Variants in CDH13 observed in about 807,000 individuals in gnomAD.
CDH13 encodes cadherin-13.
In CDH13, 24 loss-of-function variants were observed where a neutral mutation model predicts 63.8. The observed-to-expected ratio is 0.38, with a 90% CI of 0.27 to 0.53. CDH13 has a LOEUF of 0.53. Ranked by LOEUF, CDH13 falls within the 20% of genes least tolerant of loss-of-function variation. The probability of loss-of-function intolerance (pLI) is 0.85; values close to 1 mark genes in which losing one functional copy is unlikely to be tolerated. For missense variants in CDH13, 1,049 were observed against 903.1 expected (o/e 1.16, Z -2.07); for synonymous variants, 503 against 355.3 (o/e 1.42, Z -4.67).
intron 2 of CDH13, among the ~76,000 whole-genome samples, chr16:82,942,550 A>G (rs1470810136): frequency 1.3e-5 from 2 of 152,072 alleles, no homozygotes; most frequent in Non-Finnish European, 2.9e-5. Flanking sequence ...TTAGGTGGAG[A>G]AGTACTTTGT....
chr16:83,261,274 C>G (rs946408095), intron 5 of CDH13, among the ~76,000 whole-genome samples: 10 of 152,152 alleles, frequency 6.6e-5, no homozygotes, highest in Non-Finnish European at 1.3e-4. Flanking sequence ...TTGCTAAACA[C>G]CAACTCTGTG....
At chr16:83,578,207 A>G (rs1382337342) in intron 7 of CDH13, among the ~76,000 whole-genome samples, 1 of 152,194 alleles carries the variant, frequency 6.6e-6, no homozygotes, top group Non-Finnish European at 1.5e-5. Flanking sequence ...ATCGCTGGCT[A>G]GCCATTCCTG....
At chr16:82,809,474 G>A (rs1374909377) in intron 1 of CDH13, among the ~76,000 whole-genome samples, 2 of 152,058 alleles carry the variant, frequency 1.3e-5, no homozygotes, top group Non-Finnish European at 2.9e-5. Context: ...TTCGCTCAGG[G>A]CATGTAAAGA....
At chr16:83,504,789 G>T (rs1361472171) in intron 7 of CDH13, among the ~76,000 whole-genome samples, 2 of 152,112 alleles carry the variant, frequency 1.3e-5, no homozygotes, top group African/African-American at 2.4e-5. Flanking sequence ...TGGCTTCAAG[G>T]AATTTTTTTA....
At chr16:83,450,985 C>G (rs185526574) in intron 6 of CDH13, among the ~76,000 whole-genome samples, 110 of 152,266 alleles carry the variant, frequency 7.2e-4, no homozygotes, top group African/African-American at 2.6e-3. Context: ...CTGAGCCGCA[C>G]CCCCAGAGTT....
At chr16:82,903,913 G>C (rs1050607137) in intron 2 of CDH13, among the ~76,000 whole-genome samples, 2 of 152,104 alleles carry the variant, frequency 1.3e-5, no homozygotes, top group African/African-American at 2.4e-5. Context: ...CCCCAGTTCT[G>C]TCTGCTCTAA....
chr16:83,498,778 A>G (rs567261807), intron 7 of CDH13, among the ~76,000 whole-genome samples: 96 of 152,368 alleles, frequency 6.3e-4, no homozygotes, highest in African/African-American at 2.0e-3. Flanking sequence ...TTAACACAGA[A>G]AAGCAAAATA....
At chr16:83,281,809 A>G (rs1230660922) in intron 5 of CDH13, among the ~76,000 whole-genome samples, 1 of 151,826 alleles carries the variant, frequency 6.6e-6, no homozygotes, top group Non-Finnish European at 1.5e-5. Flanking sequence ...GCTACTCGGG[A>G]GGCTGAGGCA....
intron 5 of CDH13, among the ~76,000 whole-genome samples, chr16:83,252,271 C>CTTTTTTTTTTCTTTTTTTTTT (rs1905664901): frequency 7.2e-6 from 1 of 138,952 alleles, no homozygotes; most frequent in African/African-American, 2.7e-5. Context: ...TCTTTTTTTT[C>CTTTTTTTTTTCTTTTTTTTTT]TTTTTTTTTT....
chr16:82,739,243 T>C (rs2033823697), intron 1 of CDH13, among the ~76,000 whole-genome samples: 1 of 152,216 alleles, frequency 6.6e-6, no homozygotes. Flanking sequence ...GAAAAATCCT[T>C]TTCAGATGAT....
At chr16:82,660,443 T>TG (rs1484179504) in intron 1 of CDH13, among the ~76,000 whole-genome samples, 2 of 138,928 alleles carry the variant, frequency 1.4e-5, no homozygotes, top group Non-Finnish European at 3.0e-5. Flanking sequence ...TGCCGGGGCG[T>TG]GCGGGGAAAC....
intron 8 of CDH13, among the ~76,000 whole-genome samples, chr16:83,620,929 C>A (rs7196123): frequency 0.088 from 13,413 of 152,182 alleles, 645 homozygotes; most frequent in Admixed American, 0.1. Context: ...CAGACTTGCT[C>A]TTTTGGGGCC....
chr16:82,889,349 C>T (rs577737467), intron 2 of CDH13, among the ~76,000 whole-genome samples: 1 of 151,792 alleles, frequency 6.6e-6, no homozygotes, highest in Admixed American at 6.6e-5. Context: ...TACCAACCAA[C>T]CAACCTATCT....
intron 6 of CDH13, among the ~76,000 whole-genome samples, chr16:83,431,161 G>A (rs556716555): frequency 2.0e-5 from 3 of 151,738 alleles, no homozygotes; most frequent in Non-Finnish European, 4.4e-5. Context: ...CATTTTTTAT[G>A]GCTGCATAGT....
chr16:83,358,773 G>C (rs2091104152), intron 6 of CDH13, among the ~76,000 whole-genome samples: 9 of 151,990 alleles, frequency 5.9e-5, no homozygotes, highest in Admixed American at 5.9e-4. Flanking sequence ...AATGGTCTTT[G>C]TCTCCTCTGT....
intron 5 of CDH13, among the ~76,000 whole-genome samples, chr16:83,336,086 A>G (rs2090588567): frequency 6.6e-6 from 1 of 152,012 alleles, no homozygotes; most frequent in South Asian, 2.1e-4. Context: ...GGATCACCTG[A>G]GGTCAGGAGT....
intron 1 of CDH13, among the ~76,000 whole-genome samples, chr16:82,837,044 T>C (rs1298864385): frequency 2.0e-5 from 3 of 152,170 alleles, no homozygotes; most frequent in African/African-American, 7.2e-5. Flanking sequence ...ATAAAATAGA[T>C]TAAAGTCTTA....
At chr16:83,588,683 T>C (rs1248014583) in intron 7 of CDH13, among the ~76,000 whole-genome samples, 2 of 152,208 alleles carry the variant, frequency 1.3e-5, no homozygotes, top group Non-Finnish European at 2.9e-5. Context: ...TATTTACCAC[T>C]TTGTAGATGG....
intron 2 of CDH13, among the ~76,000 whole-genome samples, chr16:82,884,732 C>G (rs1463225182): frequency 6.6e-6 from 1 of 152,198 alleles, no homozygotes; most frequent in African/African-American, 2.4e-5. Flanking sequence ...TTTTCTCAGC[C>G]AACAAGACTT....
Sources: allele counts gnomAD v4.1 joint callset (sites outside exome capture counted in the v4.1 genomes callset), GRCh38; gene constraint gnomAD v4.1.1; transcripts MANE v1.5; gene names NCBI Gene and HGNC (gene_info 2026-07-23, HGNC 2026-07-21).